Variants in ONECUT1 observed in about 807,000 individuals in gnomAD.
The protein encoded by ONECUT1 is one cut homeobox 1.
ONECUT1 carries 12 observed loss-of-function variants against 25.6 expected under a neutral mutation model. That is an observed-to-expected ratio of 0.47 (90% CI 0.30 to 0.76). ONECUT1 has a LOEUF of 0.76. Among genes scored for constraint, ONECUT1 ranks in the 30% least tolerant of loss-of-function variants. ONECUT1 has a pLI of 0.07. For synonymous variants in ONECUT1, 285 were observed against 270.2 expected (o/e 1.05, Z -0.54); for missense variants, 620 against 651.2 (o/e 0.95, Z 0.52).
At chr15:52,785,567 C>G (rs1158423319) in intron 1 of ONECUT1, among the ~76,000 whole-genome samples, 3 of 152,202 alleles carry the variant, frequency 2.0e-5, no homozygotes, top group African/African-American at 7.2e-5. Context: ...GGGTGTGTGT[C>G]GCTGTCTCTT....
intron 1 of ONECUT1, among the ~76,000 whole-genome samples, chr15:52,787,513 T>G (rs867366185): frequency 1.5e-4 from 23 of 151,994 alleles, no homozygotes; most frequent in African/African-American, 5.1e-4. Flanking sequence ...TCTCTCGTTC[T>G]CCAGGGACGA....
intron 1 of ONECUT1, among the ~76,000 whole-genome samples, chr15:52,785,106 C>T (rs1596057262): frequency 6.6e-6 from 1 of 152,396 alleles, no homozygotes; most frequent in East Asian, 1.9e-4. Context: ...GCTTCTCTCC[C>T]GGCCCAGAAG....
intron 1 of ONECUT1, among the ~76,000 whole-genome samples, chr15:52,782,061 G>A (rs1164966094): frequency 6.6e-6 from 1 of 152,144 alleles, no homozygotes; most frequent in African/African-American, 2.4e-5. Flanking sequence ...TTTATTTTGA[G>A]TTCCAGGGTA....
rs1315157059 is a variant in ONECUT1 at position 52,784,090 on chromosome 15, G to A, written c.1105+4690C>T. 3.3e-5 allele frequency among the ~76,000 whole-genome samples: 5 copies of A among 152,336 alleles called. No individual in the cohort carries two copies. In the East Asian group the frequency reaches 7.7e-4, roughly 24 times the overall value. ...GTCGCCCAGCCCCGACGGCCCGCAG[G>A]GGGCGCGCGCCGCAGCCGCAGCACA... On this transcript the variant is annotated intron_variant, in intron 1 of 1. Coordinates refer to ENST00000305901, the MANE Select transcript of ONECUT1 (RefSeq NM_004498.4). The surrounding 1 kb of genome is among the most constrained non-coding windows in gnomAD (Gnocchi z 5.0).
At position 52,757,595 on chromosome 15, in the gene ONECUT1, C is replaced by G; in HGVS notation, c.1358G>C (p.Gly453Ala). Residue 453 changes from glycine (G) to alanine (A), a missense_variant, in exon 2 of 2, where the codon GGC becomes GCC. Physicochemically the swap from Gly to Ala is moderately conservative, Grantham distance 60. Transcript: ENST00000305901. ...KWQDEGSSNS[G>A]NSSSSSSTCT... ...AGTGCTTGATGAAGAAGATGAGTTG[C>G]CTGAATTGGAGCTGCCCTCGTCCTG... 1 of 1,613,978 alleles carries G rather than the reference C, an allele frequency of 6.2e-7. No individual in the cohort carries two copies. Among genetic ancestry groups the G allele is most frequent in the Non-Finnish European group, 8.5e-7 (1 of 1,179,952 alleles).
chr15:52,755,322 A>C lies in ONECUT1; in HGVS notation c.*2233T>G, dbSNP rs1297947056. On this transcript the variant is annotated 3_prime_UTR_variant, in exon 2 of 2. Coordinates refer to ENST00000305901, the MANE Select transcript of ONECUT1 (RefSeq NM_004498.4). The stretch of plus-strand genomic sequence containing the variant: ...CCTTTTTGTTTATGTCATTGACAAG[A>C]TTCTATTTTTTAGTAAATCTTGAAG... 1.3e-5 allele frequency among the ~76,000 whole-genome samples: 2 copies of C among 152,180 alleles called. No individual in the cohort carries two copies. Among genetic ancestry groups the C allele is most frequent in the Non-Finnish European group, 2.9e-5 (2 of 68,034 alleles).
At chr15:52,760,961 G>T (rs976006777) in intron 1 of ONECUT1, among the ~76,000 whole-genome samples, 3 of 106,364 alleles carry the variant, frequency 2.8e-5, no homozygotes, top group Non-Finnish European at 5.8e-5. Context: ...CTGCTGGAAG[G>T]GTTGGTGACA....
At chr15:52,773,647 T>C (rs2083782033) in intron 1 of ONECUT1, among the ~76,000 whole-genome samples, 1 of 152,074 alleles carries the variant, frequency 6.6e-6, no homozygotes, top group African/African-American at 2.4e-5. Flanking sequence ...AGTGGCACAT[T>C]CTAGGATTGG....
Position 52,757,600 on chromosome 15 carries a change from A to G in ONECUT1, c.1353T>C (p.Asn451=). 1 of 1,614,056 alleles carries G rather than the reference A, an allele frequency of 6.2e-7. No individual in the cohort carries two copies. Among genetic ancestry groups the G allele is most frequent in the South Asian group, 1.1e-5 (1 of 91,058 alleles). ...LDKWQDEGSS[N]SGNSSSSSST... ...TTGATGAAGAAGATGAGTTGCCTGAATTGGAGCTGCCCTCGTCCTGCCACT... is the reference window on the plus strand; with the variant it reads ...TTGATGAAGAAGATGAGTTGCCTGAGTTGGAGCTGCCCTCGTCCTGCCACT... The change falls in exon 2 of 2, where the codon AAT becomes AAC. Residue 451 remains asparagine, a synonymous_variant. Coordinates refer to ENST00000305901, the MANE Select transcript of ONECUT1 (RefSeq NM_004498.4).
At chr15:52,783,019 C>G (rs1185256157) in intron 1 of ONECUT1, among the ~76,000 whole-genome samples, 1 of 152,186 alleles carries the variant, frequency 6.6e-6, no homozygotes, top group African/African-American at 2.4e-5. Flanking sequence ...ACGATTTCTT[C>G]TGATAACTTG....
At chr15:52,780,937 G>A in intron 1 of ONECUT1, 4 of 1,217,448 alleles carry the variant, frequency 3.3e-6, no homozygotes, top group Non-Finnish European at 4.1e-6. Flanking sequence ...CTGGAAACAT[G>A]CAGTGTTTGA....
At chr15:52,762,053 T>C (rs1199399189) in intron 1 of ONECUT1, among the ~76,000 whole-genome samples, 1 of 152,104 alleles carries the variant, frequency 6.6e-6, no homozygotes. Flanking sequence ...AGATGGTAAA[T>C]TACACAGAAC....
At chr15:52,767,584 C>A (rs552694238) in intron 1 of ONECUT1, among the ~76,000 whole-genome samples, 13 of 152,322 alleles carry the variant, frequency 8.5e-5, no homozygotes, top group African/African-American at 2.9e-4. Flanking sequence ...AAGCTCTCCC[C>A]CTGTACTGCA....
At position 52,784,141 on chromosome 15, in the gene ONECUT1, C is replaced by G. The variant is rs1426161296; in HGVS notation, c.1105+4639G>C. The stretch of plus-strand genomic sequence containing the variant: ...GCCCGGCTACCCCCAGAAAGGGAGC[C>G]GAATGGAGGGAAGCAGGGAGCGCGG... On this transcript the variant is annotated intron_variant, in intron 1 of 1. Coordinates refer to ENST00000305901, the MANE Select transcript of ONECUT1 (RefSeq NM_004498.4). The surrounding 1 kb of genome is among the most constrained non-coding windows in gnomAD (Gnocchi z 5.0). Among the ~76,000 whole-genome samples, 3 of 152,132 alleles carry G rather than the reference C, an allele frequency of 2.0e-5. No homozygotes were observed. Among genetic ancestry groups the G allele is most frequent in the African/African-American group, 7.2e-5 (3 of 41,432 alleles).
At chr15:52,783,124 T>TTAA (rs2083851533) in intron 1 of ONECUT1, among the ~76,000 whole-genome samples, 1 of 152,150 alleles carries the variant, frequency 6.6e-6, no homozygotes, top group Non-Finnish European at 1.5e-5. Flanking sequence ...AAAGACCTCG[T>TTAA]AGATTAGAGA....
rs894801156 is a variant in ONECUT1, at chr15:52,755,688, C to A, written c.*1867G>T. On this transcript the variant is annotated 3_prime_UTR_variant, in exon 2 of 2. Transcript: ENST00000305901. ...GTTCTTTGGCATTTTTAATGAATCTCAATAAAACAACTTATCATTAGGATA... is the reference window on the plus strand; with the variant it reads ...GTTCTTTGGCATTTTTAATGAATCTAAATAAAACAACTTATCATTAGGATA... 1.3e-5 allele frequency among the ~76,000 whole-genome samples: 2 copies of A among 152,112 alleles called. No individual in the cohort carries two copies. The highest frequency in any genetic ancestry group is 4.8e-5 in the African/African-American group (2 of 41,420).
In ONECUT1 at chr15:52,761,821, G is replaced by A. The variant is rs1027486447; in HGVS notation, c.1106-3974C>T. ...GGAACATCTGCCAGGTTTCTGGTTGGATGATAGTAATGGGGCCATTAGGAA... is the reference window on the plus strand; with the variant it reads ...GGAACATCTGCCAGGTTTCTGGTTGAATGATAGTAATGGGGCCATTAGGAA... On this transcript the variant is annotated intron_variant, in intron 1 of 1. Transcript: ENST00000305901. 2.0e-5 allele frequency among the ~76,000 whole-genome samples: 3 copies of A among 152,232 alleles called. No homozygotes were observed. In the East Asian group the frequency reaches 5.8e-4, roughly 29 times the overall value.
rs549989929 is a variant in ONECUT1, at chr15:52,785,433, G to T, written c.1105+3347C>A. 1.9e-3 allele frequency among the ~76,000 whole-genome samples: 297 copies of T among 152,310 alleles called. No individual in the cohort carries two copies. In the Middle Eastern group the frequency reaches 0.027, roughly 14 times the overall value. ...GGGGCGCCGCCAACTCCCCCGCGGG[G>T]TTTGGAGGTTTCCTCGCCTCCAAGT... On this transcript the variant is annotated intron_variant, in intron 1 of 1. Coordinates refer to ENST00000305901, the MANE Select transcript of ONECUT1 (RefSeq NM_004498.4).
At chr15:52,766,333 C>T (rs2083734575) in intron 1 of ONECUT1, among the ~76,000 whole-genome samples, 1 of 151,568 alleles carries the variant, frequency 6.6e-6, no homozygotes, top group South Asian at 2.1e-4. Context: ...CTTCACTGGA[C>T]CCTGGAAGCA....
Sources: allele counts gnomAD v4.1 joint callset (sites outside exome capture counted in the v4.1 genomes callset), GRCh38; gene constraint gnomAD v4.1.1; non-coding constraint Gnocchi (gnomAD v3.1); transcripts MANE v1.5; gene names NCBI Gene and HGNC (gene_info 2026-07-23, HGNC 2026-07-21).